Variants in PALLD observed in about 807,000 individuals in gnomAD.
The protein encoded by PALLD is palladin.
In PALLD, 61 loss-of-function variants were observed where a neutral mutation model predicts 123.5. The ratio of observed to expected loss-of-function variants is 0.49; its 90% confidence interval spans 0.40 to 0.61. The LOEUF (loss-of-function observed/expected upper bound fraction) is 0.61, where lower values mean the gene tolerates loss of function less well. PALLD is among the 20% of genes least tolerant of loss of function. The pLI, the probability that PALLD is intolerant of heterozygous loss-of-function variation, is 0.00. For synonymous variants in PALLD, 465 were observed against 496.4 expected, an observed-to-expected ratio of 0.94 and a Z score of 0.84; for missense variants, 1,273 against 1,377.0, an observed-to-expected ratio of 0.92 and a Z score of 1.20.
At chr4:168,865,320 T>C (rs1484151927) in intron 10 of PALLD, among the ~76,000 whole-genome samples, 1 of 152,250 alleles carries the variant, frequency 6.6e-6, no homozygotes, top group African/African-American at 2.4e-5. Context: ...AAACGCATTT[T>C]TGAGCTTTTT....
At chr4:168,759,736 A>C (rs10021579) in intron 10 of PALLD, among the ~76,000 whole-genome samples, 49,684 of 152,022 alleles carry the variant, frequency 0.33, 8,739 homozygotes, top group East Asian at 0.62. Flanking sequence ...TGAGGGAAGC[A>C]AAAAGAATGC....
At chr4:168,755,471 AG>A (rs1731712900) in intron 10 of PALLD, among the ~76,000 whole-genome samples, 1 of 151,966 alleles carries the variant, frequency 6.6e-6, no homozygotes, top group Non-Finnish European at 1.5e-5. Flanking sequence ...GAGATGAGAG[AG>A]GCTGTCAGAG....
intron 5 of PALLD, among the ~76,000 whole-genome samples, chr4:168,683,606 A>G: frequency 6.6e-6 from 1 of 152,248 alleles, no homozygotes; most frequent in South Asian, 2.1e-4. Context: ...ATGAAAGAAC[A>G]ATAATATAAA....
chr4:168,748,050 C>T (rs528846681), intron 10 of PALLD, among the ~76,000 whole-genome samples: 39 of 152,140 alleles, frequency 2.6e-4, no homozygotes, highest in South Asian at 1.7e-3. Context: ...GGATAATGGA[C>T]GGAGGAACAG....
chr4:168,670,711 G>A (rs1165492878), intron 3 of PALLD, among the ~76,000 whole-genome samples: 1 of 142,582 alleles, frequency 7.0e-6, no homozygotes, highest in East Asian at 2.0e-4. Flanking sequence ...CCGCAGTCTG[G>A]CCTGGGCGAC....
intron 10 of PALLD, among the ~76,000 whole-genome samples, chr4:168,789,858 GA>G (rs1271540174): frequency 1.3e-5 from 2 of 152,066 alleles, no homozygotes; most frequent in Non-Finnish European, 2.9e-5. Flanking sequence ...TCTCTTTAAG[GA>G]AAAAGTATAA....
At chr4:168,878,429 C>G in intron 10 of PALLD, 7 of 1,432,586 alleles carry the variant, frequency 4.9e-6, no homozygotes, top group Non-Finnish European at 6.4e-6. Flanking sequence ...CTTCCCTGCC[C>G]CTCCGCCTCG....
chr4:168,685,241 C>T (rs1472763931), intron 5 of PALLD, among the ~76,000 whole-genome samples: 1 of 152,158 alleles, frequency 6.6e-6, no homozygotes, highest in Admixed American at 6.5e-5. Context: ...GCTCGTGGAT[C>T]CCCAAGGACC....
intron 3 of PALLD, 124 bp downstream of exon 3, chr4:168,668,492 C>A (rs1353587888): frequency 1.4e-6 from 1 of 712,128 alleles, no homozygotes; most frequent in African/African-American, 1.8e-5. Flanking sequence ...ATTCAAACTT[C>A]ATTTCCCTGA....
At chr4:168,830,044 C>T (rs953466206) in intron 10 of PALLD, among the ~76,000 whole-genome samples, 12 of 152,078 alleles carry the variant, frequency 7.9e-5, no homozygotes, top group Non-Finnish European at 1.2e-4. Context: ...GCAGCTTGGC[C>T]AACATGGTGA....
At chr4:168,547,376 C>T (rs954225061) in intron 2 of PALLD, among the ~76,000 whole-genome samples, 2 of 151,742 alleles carry the variant, frequency 1.3e-5, no homozygotes, top group Non-Finnish European at 2.9e-5. Context: ...GCCAGCATAA[C>T]ACCGCCAATA....
intron 5 of PALLD, among the ~76,000 whole-genome samples, chr4:168,684,999 A>T (rs981862251): frequency 6.6e-6 from 1 of 151,666 alleles, no homozygotes; most frequent in Non-Finnish European, 1.5e-5. Flanking sequence ...GCACGTCAAT[A>T]AAAAAAAATT....
chr4:168,847,878 GAAAAA>G (rs888225873), intron 10 of PALLD, among the ~76,000 whole-genome samples: 56 of 148,920 alleles, frequency 3.8e-4, no homozygotes, highest in African/African-American at 1.3e-3. Context: ...TTCTAAAAAA[GAAAAA>G]AAAAGGAAGA....
intron 10 of PALLD, 26 bp downstream of exon 10, chr4:168,711,949 A>G: frequency 6.4e-7 from 1 of 1,565,532 alleles, no homozygotes; most frequent in Non-Finnish European, 8.8e-7. Flanking sequence ...TGGTTTTATA[A>G]TAATTTCCAT....
At chr4:168,529,266 G>A (rs560000324) in intron 2 of PALLD, among the ~76,000 whole-genome samples, 1 of 152,152 alleles carries the variant, frequency 6.6e-6, no homozygotes, top group South Asian at 2.1e-4. Context: ...GAAACCAGGA[G>A]GTGGAGGTTG....
chr4:168,761,827 A>G (rs1175248792), intron 10 of PALLD, among the ~76,000 whole-genome samples: 3 of 151,544 alleles, frequency 2.0e-5, no homozygotes, highest in Admixed American at 2.0e-4. Flanking sequence ...ATTCTATTCT[A>G]GTGTCAGTGG....
chr4:168,526,902 G>T (rs917015156), intron 2 of PALLD, among the ~76,000 whole-genome samples: 14 of 152,162 alleles, frequency 9.2e-5, no homozygotes, highest in Non-Finnish European at 1.5e-4. Flanking sequence ...AGAAGCAGAT[G>T]GCATGAGAAA....
chr4:168,686,913 A>G (rs10014322), intron 6 of PALLD, among the ~76,000 whole-genome samples: 2,052 of 152,334 alleles, frequency 0.013, 44 homozygotes, highest in African/African-American at 0.047. Flanking sequence ...ACAGTATGGT[A>G]CTGGTACAAG....
chr4:168,570,128 A>C (rs566551483), intron 2 of PALLD, among the ~76,000 whole-genome samples: 2 of 152,324 alleles, frequency 1.3e-5, no homozygotes, highest in South Asian at 4.1e-4. Flanking sequence ...TACCGAGTAC[A>C]AAGTAAACAA....
Sources: allele counts gnomAD v4.1 joint callset (sites outside exome capture counted in the v4.1 genomes callset), GRCh38; gene constraint gnomAD v4.1.1; transcripts MANE v1.5; gene names NCBI Gene and HGNC (gene_info 2026-07-23, HGNC 2026-07-21).